DNAH14: variants seen among roughly 807,000 people sequenced by gnomAD.
DNAH14 encodes dynein axonemal heavy chain 14, also known as axonemal beta dynein heavy chain 14.
Under a neutral mutation model 520.9 loss-of-function variants are expected in DNAH14, and 478 were observed. The ratio of observed to expected loss-of-function variants is 0.92; its 90% CI spans 0.85 to 0.99. The LOEUF (loss-of-function observed/expected upper bound fraction) is 0.99. DNAH14 is among the 50% of genes least tolerant of loss of function. DNAH14 has a pLI of 0.00. For synonymous variants in DNAH14, 1,581 were observed against 1,757.2 expected, an observed-to-expected ratio of 0.90 and a Z score of 2.51; for missense variants, 4,831 against 5,234.5, an observed-to-expected ratio of 0.92 and a Z score of 2.38.
At chr1:225,115,150 C>T (rs887537010) in intron 23 of DNAH14, among the ~76,000 whole-genome samples, 1 of 152,120 alleles carries the variant, frequency 6.6e-6, no homozygotes, top group African/African-American at 2.4e-5. Context: ...ATTGCTTTTT[C>T]CCTAACAATG....
chr1:225,355,115 T>C (rs1215889908), intron 73 of DNAH14, among the ~76,000 whole-genome samples: 2 of 152,136 alleles, frequency 1.3e-5, no homozygotes, highest in African/African-American at 4.8e-5. Context: ...TTGGGTAATT[T>C]ATAAACAACG....
At chr1:225,111,211 G>T (rs964346030) in intron 23 of DNAH14, among the ~76,000 whole-genome samples, 3 of 152,022 alleles carry the variant, frequency 2.0e-5, no homozygotes, top group Non-Finnish European at 2.9e-5. Flanking sequence ...GCTGAAAGTG[G>T]AGTATTGAAG....
chr1:225,252,292 C>A lies in DNAH14; in HGVS notation c.6749-9C>A, dbSNP rs750525276. ...CTTTCTTAGTTGAATTTATTATTTT[C>A]GGTTGTAGGCATCAACCTACCAACT... On this transcript the variant is annotated splice_polypyrimidine_tract_variant and intron_variant, in intron 43 of 85. Coordinates refer to ENST00000682510, the MANE Select transcript of DNAH14 (RefSeq NM_001367479.1). The A allele has an allele frequency of 7.6e-6, 11 of 1,455,990 alleles. No individual in the cohort carries two copies. The Admixed American group carries it at 7.9e-5, about 10-fold the overall frequency. 90.2% of individuals were successfully genotyped at this position (1,455,990 alleles called of 1,614,324 possible).
At chr1:225,013,027 TGGA>T (rs1415653685) in intron 10 of DNAH14, among the ~76,000 whole-genome samples, 3 of 152,202 alleles carry the variant, frequency 2.0e-5, no homozygotes, top group Non-Finnish European at 4.4e-5. Flanking sequence ...TGTGATTCTT[TGGA>T]GGAGAAGAGG....
chr1:225,318,633 T>C lies in DNAH14; in HGVS notation c.9291T>C (p.Ile3097=), dbSNP rs2094507574. Residue 3097 remains isoleucine (I), a synonymous_variant, in exon 61 of 86, where the codon ATT becomes ATC. Coordinates refer to ENST00000682510, the MANE Select transcript of DNAH14 (RefSeq NM_001367479.1). Reference sequence around the variant, plus strand: ...TGCTGCCAGCCTTTGACAAGGCAATTGTGGCTCTGAATGCCCTGGATAAAG... The same window carrying C: ...TGCTGCCAGCCTTTGACAAGGCAATCGTGGCTCTGAATGCCCTGGATAAAG... ...KSVLPAFDKA[I]VALNALDKAD... 6.4e-7 allele frequency: 1 copy of C among 1,550,438 alleles called. No individual in the cohort carries two copies. The highest frequency in any genetic ancestry group is 1.4e-5 in the African/African-American group (1 of 73,042).
At chr1:225,047,558 A>G (rs900573454) in intron 15 of DNAH14, among the ~76,000 whole-genome samples, 4 of 152,212 alleles carry the variant, frequency 2.6e-5, no homozygotes, top group African/African-American at 9.6e-5. Flanking sequence ...GTAGTAGGCT[A>G]TACTATCTAG....
intron 39 of DNAH14, among the ~76,000 whole-genome samples, chr1:225,205,196 T>C (rs1200583052): frequency 1.3e-5 from 2 of 152,156 alleles, no homozygotes; most frequent in East Asian, 3.9e-4. Flanking sequence ...AATCCATGTG[T>C]TGAAATTCTA....
intron 1 of DNAH14, among the ~76,000 whole-genome samples, chr1:224,936,592 A>G (rs1394896700): frequency 1.3e-5 from 2 of 151,886 alleles, no homozygotes; most frequent in Non-Finnish European, 3.0e-5. Flanking sequence ...CTTCCATCAG[A>G]GAAAAGCCTG....
intron 31 of DNAH14, among the ~76,000 whole-genome samples, chr1:225,150,107 A>C (rs1306917473): frequency 1.3e-5 from 2 of 152,188 alleles, no homozygotes; most frequent in African/African-American, 2.4e-5. Context: ...TTTTAACATG[A>C]AGGATGTTGA....
At chr1:225,201,231 A>G (rs968001783) in intron 38 of DNAH14, among the ~76,000 whole-genome samples, 2 of 151,842 alleles carry the variant, frequency 1.3e-5, no homozygotes, top group Non-Finnish European at 2.9e-5. Context: ...TTTTTTATTT[A>G]TGCTATCTAT....
Position 225,307,587 on chromosome 1 carries a change from T to C in DNAH14, c.9114+18T>C. On this transcript the variant is annotated intron_variant, in intron 59 of 85. Coordinates refer to ENST00000682510, the MANE Select transcript of DNAH14 (RefSeq NM_001367479.1). ...AAACAAAGGTATGTTTGCTTTGAAA[T>C]CTCTTTTAAAGATTTTATAGTCTAA... 2.0e-6 allele frequency: 3 copies of C among 1,512,696 alleles called. No homozygotes were observed. Among genetic ancestry groups the C allele is most frequent in the Non-Finnish European group, 2.7e-6 (3 of 1,126,898 alleles). The allele number at this position is 1,512,696 out of a possible 1,614,324, so 93.7% of individuals were successfully genotyped here.
intron 60 of DNAH14, among the ~76,000 whole-genome samples, chr1:225,313,689 T>C (rs997886121): frequency 6.6e-6 from 1 of 152,232 alleles, no homozygotes; most frequent in African/African-American, 2.4e-5. Flanking sequence ...TGCCTTCATT[T>C]CATTATTTAC....
intron 41 of DNAH14, among the ~76,000 whole-genome samples, chr1:225,229,273 T>C (rs190786084): frequency 6.6e-6 from 1 of 152,254 alleles, no homozygotes; most frequent in East Asian, 1.9e-4. Context: ...GACTCAGCAA[T>C]GCTGGAGAGG....
intron 37 of DNAH14, among the ~76,000 whole-genome samples, chr1:225,185,748 C>T (rs896968330): frequency 6.6e-6 from 1 of 151,492 alleles, no homozygotes; most frequent in Non-Finnish European, 1.5e-5. Context: ...TATATAACTT[C>T]TCTTCTTAAT....
intron 1 of DNAH14, among the ~76,000 whole-genome samples, chr1:224,943,113 G>A (rs140716986): frequency 0.062 from 9,388 of 152,174 alleles, 526 homozygotes; most frequent in East Asian, 0.24. Flanking sequence ...GGTAGAATTC[G>A]GCTGTGAATT....
chr1:225,143,776 G>A (rs569195433), intron 28 of DNAH14, among the ~76,000 whole-genome samples: 1 of 152,066 alleles, frequency 6.6e-6, no homozygotes, highest in Non-Finnish European at 1.5e-5. Context: ...TTCATTGATA[G>A]TGCTCAAATG....
At chr1:225,222,226 T>C (rs2090107618) in intron 41 of DNAH14, among the ~76,000 whole-genome samples, 1 of 152,202 alleles carries the variant, frequency 6.6e-6, no homozygotes, top group Non-Finnish European at 1.5e-5. Flanking sequence ...AGTAAGTCAT[T>C]GGTGCCCGCT....
In DNAH14 at chr1:225,375,029, C is replaced by G. The variant is rs543414860; in HGVS notation, c.12516+144C>G. ...TTTCAGTAGTATGGAAGTAATTTAC[C>G]CATGACTCTATTAAACACAACATTA... On this transcript the variant is annotated intron_variant, in intron 78 of 85. Coordinates refer to ENST00000682510, the MANE Select transcript of DNAH14 (RefSeq NM_001367479.1). 9.5e-6 allele frequency: 7 copies of G among 735,668 alleles called. No homozygotes were observed. The African/African-American group carries it at 1.1e-4, about 11-fold the overall frequency. The allele number at this position is 735,668 out of a possible 1,614,324, so 45.6% of individuals were successfully genotyped here.
chr1:225,174,178 G>A (rs1209219773), intron 36 of DNAH14, among the ~76,000 whole-genome samples: 2 of 152,038 alleles, frequency 1.3e-5, no homozygotes, highest in Non-Finnish European at 2.9e-5. Context: ...GAGTCGATGG[G>A]TACAGCACAC....
Sources: allele counts gnomAD v4.1 joint callset (sites outside exome capture counted in the v4.1 genomes callset), GRCh38; gene constraint gnomAD v4.1.1; transcripts MANE v1.5; gene names NCBI Gene and HGNC (gene_info 2026-07-23, HGNC 2026-07-21).